The following NIPAL3 variants were observed in gnomAD, a reference collection of about 807,000 sequenced individuals.
NIPAL3 encodes NIPA like domain containing 3.
NIPAL3 carries 41 observed loss-of-function variants against 47.2 expected under a neutral mutation model. That is an observed-to-expected ratio of 0.87 (90% confidence interval 0.68 to 1.13). NIPAL3 has a LOEUF of 1.13. Ranked by LOEUF, NIPAL3 falls within the 50% of genes most tolerant of loss-of-function variation. The probability of loss-of-function intolerance (pLI) is 0.00; values close to 1 mark genes in which losing one functional copy is unlikely to be tolerated. For synonymous variants in NIPAL3, 194 were observed against 209.6 expected (o/e 0.93, Z 0.64); for missense variants, 449 against 530.1 (o/e 0.85, Z 1.50).
upstream of NIPAL3, chr1:24,415,794 G>C (rs923228268): frequency 1.9e-4 from 181 of 973,958 alleles, no homozygotes; most frequent in Admixed American, 8.0e-4. Flanking sequence ...CAGCATCTTG[G>C]CAGCTCTGAA....
chr1:24,437,938 C>T (rs1375165875), intron 2 of NIPAL3, among the ~76,000 whole-genome samples: 1 of 152,134 alleles, frequency 6.6e-6, no homozygotes, highest in Non-Finnish European at 1.5e-5. Flanking sequence ...ATGTTTACTC[C>T]AGATGCTGAT....
At position 24,432,001 on chromosome 1, in the gene NIPAL3, C is replaced by T. The variant is rs16829636; in HGVS notation, c.94-8171C>T. On this transcript the variant is annotated intron_variant, in intron 2 of 11. Coordinates refer to ENST00000374399, the MANE Select transcript of NIPAL3 (RefSeq NM_020448.5). ...TGTAGCCCTAACCACAATGTGATTA[C>T]GTAGTCAGTTCAATGTATGTTATGT... is the stretch of plus-strand genomic sequence containing the variant. 6.0e-3 allele frequency among the ~76,000 whole-genome samples: 909 copies of T among 151,972 alleles called. 9 individuals are homozygous for T. The highest frequency in any genetic ancestry group is 0.02 in the African/African-American group (841 of 41,418).
chr1:24,420,871 T>A (rs1417489163), intron 2 of NIPAL3, among the ~76,000 whole-genome samples: 3 of 152,094 alleles, frequency 2.0e-5, no homozygotes, highest in African/African-American at 4.8e-5. Flanking sequence ...TGATCTCTGA[T>A]CCTTTCCTTA....
chr1:24,436,968 C>G (rs1645143224), intron 2 of NIPAL3, among the ~76,000 whole-genome samples: 1 of 151,536 alleles, frequency 6.6e-6, no homozygotes, highest in Admixed American at 6.6e-5. Context: ...AATATTGAAA[C>G]TGGCTGGGCG....
chr1:24,455,312 A>T (rs1402184432), intron 7 of NIPAL3, among the ~76,000 whole-genome samples: 1 of 152,228 alleles, frequency 6.6e-6, no homozygotes, highest in Admixed American at 6.5e-5. Flanking sequence ...GGTGAGCAGG[A>T]TGCTTCGCTG....
chr1:24,465,909 T>A, intron 11 of NIPAL3: 3 of 1,444,280 alleles, frequency 2.1e-6, no homozygotes, highest in Non-Finnish European at 2.7e-6. Context: ...ACATGCAGAA[T>A]AAAACTGCTG....
intron 2 of NIPAL3, among the ~76,000 whole-genome samples, chr1:24,436,711 C>G (rs1251782057): frequency 1.3e-5 from 2 of 151,914 alleles, no homozygotes; most frequent in Non-Finnish European, 2.9e-5. Flanking sequence ...GTTGGCCAGA[C>G]TGGTCTCGAA....
intron 4 of NIPAL3, among the ~76,000 whole-genome samples, chr1:24,443,663 C>T (rs553052420): frequency 2.0e-5 from 3 of 152,320 alleles, no homozygotes; most frequent in African/African-American, 7.2e-5. Flanking sequence ...TTTTCCTAAC[C>T]AGGGTTGCTG....
intron 11 of NIPAL3, chr1:24,465,201 A>ATGAGCTTTGGTGCG (rs1359815213): frequency 1.3e-5 from 2 of 152,176 alleles, no homozygotes; most frequent in Non-Finnish European, 2.9e-5. Flanking sequence ...AGTTAAGTGC[A>ATGAGCTTTGGTGCG]TGAGCTTTGG....
Position 24,472,447 on chromosome 1 carries a change from A to G in NIPAL3, c.*3262A>G, listed in dbSNP as rs1297300650. On this transcript the variant is annotated 3_prime_UTR_variant, in exon 12 of 12. Coordinates refer to ENST00000374399, the MANE Select transcript of NIPAL3 (RefSeq NM_020448.5). ...CTCATAGCCCTGGTTCGTTATTGTTACTCATGGCTCTGACGTCCCCAAGCC... is the reference window on the plus strand; with the variant it reads ...CTCATAGCCCTGGTTCGTTATTGTTGCTCATGGCTCTGACGTCCCCAAGCC... 6.6e-6 allele frequency: 1 copy of G among 152,032 alleles called. No individual in the cohort carries two copies. Among genetic ancestry groups the G allele is most frequent in the East Asian group, 1.9e-4 (1 of 5,186 alleles). The allele number at this position is 152,032 out of a possible 1,614,324, so 9.4% of individuals were successfully genotyped here.
chr1:24,419,783 A>G (rs1644238457), intron 2 of NIPAL3, 143 bp downstream of exon 2: 1 of 706,872 alleles, frequency 1.4e-6, no homozygotes, highest in South Asian at 1.8e-5. Context: ...AGACAAGGGA[A>G]TGTGTAAGCA....
At chr1:24,430,312 G>A (rs931951768) in intron 2 of NIPAL3, among the ~76,000 whole-genome samples, 34 of 151,400 alleles carry the variant, frequency 2.2e-4, no homozygotes, top group East Asian at 1.2e-3. Flanking sequence ...GTGCAATGGC[G>A]CGATCTCAGC....
chr1:24,425,033 A>T (rs576753216), intron 2 of NIPAL3, among the ~76,000 whole-genome samples: 1 of 152,258 alleles, frequency 6.6e-6, no homozygotes, highest in South Asian at 2.1e-4. Context: ...GTTGCTGGGG[A>T]GGGCACTTTG....
chr1:24,444,043 T>A (rs1645531032), intron 4 of NIPAL3, among the ~76,000 whole-genome samples: 1 of 151,740 alleles, frequency 6.6e-6, no homozygotes, highest in Non-Finnish European at 1.5e-5. Flanking sequence ...AGAGGCCAAG[T>A]TATAATGATA....
chr1:24,469,410 G>C lies in NIPAL3; in HGVS notation c.*225G>C. 1.9e-6 allele frequency: 1 copy of C among 513,112 alleles called. No individual in the cohort carries two copies. Among genetic ancestry groups the C allele is most frequent in the South Asian group, 2.9e-5 (1 of 34,630 alleles). 31.8% of individuals were successfully genotyped at this position (513,112 alleles called of 1,614,324 possible). ...AGCATTATTCCAGGTGGACGGGATA[G>C]AATCCAGCCTCTGCCTGGATTAGCC... On this transcript the variant is annotated 3_prime_UTR_variant, in exon 12 of 12. Transcript: ENST00000374399.
upstream of NIPAL3, chr1:24,413,646 C>G (rs902735543): frequency 6.6e-6 from 1 of 152,246 alleles, no homozygotes; most frequent in African/African-American, 2.4e-5. Flanking sequence ...CCTCAGGGAC[C>G]GGTCCCCCCG....
chr1:24,467,014 T>G (rs1271453336), intron 11 of NIPAL3, among the ~76,000 whole-genome samples: 1 of 152,224 alleles, frequency 6.6e-6, no homozygotes, highest in African/African-American at 2.4e-5. Context: ...AGATCCCACC[T>G]TGGTCTCTCA....
At chr1:24,450,083 C>A (rs1645866283) in intron 6 of NIPAL3, among the ~76,000 whole-genome samples, 1 of 152,186 alleles carries the variant, frequency 6.6e-6, no homozygotes, top group African/African-American at 2.4e-5. Context: ...GATCACTGTA[C>A]ACAATGAGAA....
chr1:24,415,935 G>A, intron 1 of NIPAL3, 31 bp downstream of exon 1: 2 of 983,704 alleles, frequency 2.0e-6, no homozygotes, highest in Non-Finnish European at 2.4e-6. Flanking sequence ...GGAGGAAGGG[G>A]AATTGAATTT....
Sources: allele counts gnomAD v4.1 joint callset (sites outside exome capture counted in the v4.1 genomes callset), GRCh38; gene constraint gnomAD v4.1.1; transcripts MANE v1.5; gene names NCBI Gene and HGNC (gene_info 2026-07-23, HGNC 2026-07-21).